Variants in FBN1 observed in about 807,000 individuals in gnomAD.
FBN1 encodes fibrillin-1.
Under a neutral mutation model 365.1 loss-of-function variants are expected in FBN1, and 29 were observed. That is an observed-to-expected ratio of 0.08 (90% CI 0.06 to 0.11). The LOEUF is 0.11. FBN1 is among the 10% of genes least tolerant of loss of function. The probability of loss-of-function intolerance (pLI) is 1.00; values close to 1 mark genes in which losing one functional copy is unlikely to be tolerated. For synonymous variants in FBN1, 1,210 were observed against 1,270.5 expected (o/e 0.95, Z 1.01); for missense variants, 2,476 against 3,703.2 (o/e 0.67, Z 8.60).
chr15:48,611,934 G>T (rs766542366), intron 3 of FBN1, among the ~76,000 whole-genome samples: 1 of 152,186 alleles, frequency 6.6e-6, no homozygotes, highest in Non-Finnish European at 1.5e-5. Context: ...AACATCCAAA[G>T]AGTTTAGGAT....
Position 48,613,086 on chromosome 15 carries a change from A to G in FBN1, c.171T>C (p.Asn57=). The change falls in exon 3 of 66, where the codon AAT becomes AAC. Residue 57 remains asparagine, a synonymous_variant. Transcript: ENST00000316623. ...AAGCATTATAACGTGATCCACAGAC[A>G]TTGGGTCTAAAACAAAAACAGAAGA... The part of the protein sequence containing the change: ...GGGHDALKGP[N]VCGSRYNAYC... 1 of 1,612,390 alleles carries G rather than the reference A, an allele frequency of 6.2e-7. No individual in the cohort carries two copies. The highest frequency in any genetic ancestry group is 8.5e-7 in the Non-Finnish European group (1 of 1,178,730).
intron 34 of FBN1, among the ~76,000 whole-genome samples, chr15:48,473,086 T>C (rs999198120): frequency 6.6e-6 from 1 of 152,238 alleles, no homozygotes; most frequent in African/African-American, 2.4e-5. Flanking sequence ...ATCTGCTTAA[T>C]CTCTACCTAG....
At chr15:48,451,914 G>A (rs1229992400) in intron 45 of FBN1, among the ~76,000 whole-genome samples, 3 of 152,110 alleles carry the variant, frequency 2.0e-5, no homozygotes, top group Non-Finnish European at 4.4e-5. Flanking sequence ...ACATGCCAAC[G>A]TGCTTCCTAT....
chr15:48,580,380 C>A (rs1451159621), intron 6 of FBN1, among the ~76,000 whole-genome samples: 1 of 152,172 alleles, frequency 6.6e-6, no homozygotes, highest in Non-Finnish European at 1.5e-5. Context: ...TCTTTCTCCA[C>A]CTCTCCTTAG....
At chr15:48,627,520 G>A (rs1283989060) in intron 2 of FBN1, among the ~76,000 whole-genome samples, 1 of 152,222 alleles carries the variant, frequency 6.6e-6, no homozygotes, top group African/African-American at 2.4e-5. Context: ...CATGGGTGTG[G>A]CTTGTCTTTT....
intron 2 of FBN1, chr15:48,642,253 C>T (rs986345797): frequency 6.6e-6 from 1 of 152,298 alleles, no homozygotes; most frequent in Admixed American, 6.5e-5. Flanking sequence ...GTGGCACCCA[C>T]CTGTAATCCC....
Position 48,420,747 on chromosome 15 carries a change from C to T in FBN1, c.7759G>A (p.Gly2587Ser), listed in dbSNP as rs2042934369. 1 of 1,614,072 alleles carries T rather than the reference C, an allele frequency of 6.2e-7. No individual in the cohort carries two copies. The highest frequency in any genetic ancestry group is 8.5e-7 in the Non-Finnish European group (1 of 1,179,988). ...CCCTGGGGGCAGCTGCACCTGTAGC[C>T]CCCAATGATGTTCTGGCAGCCATGC... ...CQHGCQNIIG[G>S]YRCSCPQGYL... is the part of the protein sequence containing the mutation. Residue 2587 changes from glycine to serine, a missense_variant, in exon 63 of 66, where the codon GGC becomes AGC. By Grantham distance (56) the Gly-to-Ser change is moderately conservative. This residue lies in a region of FBN1 where 1,780 missense variants were observed against 2,840.8 expected (regional missense o/e 0.63). Transcript: ENST00000316623.
At chr15:48,422,976 A>G (rs1047668292) in intron 60 of FBN1, among the ~76,000 whole-genome samples, 1 of 152,052 alleles carries the variant, frequency 6.6e-6, no homozygotes, top group African/African-American at 2.4e-5. Context: ...AAAAAACAAA[A>G]ATCCAAAACT....
At chr15:48,488,603 C>A in intron 25 of FBN1, 110 bp from the exon 26 acceptor site, 1 of 1,259,226 alleles carries the variant, frequency 7.9e-7, no homozygotes. Flanking sequence ...GATTTAAGGT[C>A]TTGGCAGTAT....
At chr15:48,460,180 C>T (rs2043270175) in intron 43 of FBN1, 66 bp downstream of exon 43, 6 of 1,174,820 alleles carry the variant, frequency 5.1e-6, no homozygotes, top group Non-Finnish European at 7.7e-6. Flanking sequence ...AAAATGGGAA[C>T]TGAAAAAATA....
intron 6 of FBN1, among the ~76,000 whole-genome samples, chr15:48,561,538 A>T (rs550070291): frequency 6.6e-6 from 1 of 152,190 alleles, no homozygotes; most frequent in Non-Finnish European, 1.5e-5. Flanking sequence ...CAAGGTTTTT[A>T]TGAAAACACA....
At chr15:48,489,110 C>T (rs2043533766) in intron 25 of FBN1, among the ~76,000 whole-genome samples, 1 of 151,582 alleles carries the variant, frequency 6.6e-6, no homozygotes, top group South Asian at 2.1e-4. Flanking sequence ...GCTTGGCTCA[C>T]TGCAACCTCT....
intron 6 of FBN1, among the ~76,000 whole-genome samples, chr15:48,547,509 TAAAGC>T (rs1250216225): frequency 6.6e-6 from 1 of 152,102 alleles, no homozygotes; most frequent in African/African-American, 2.4e-5. Context: ...GTGGAAAACT[TAAAGC>T]AGGGACAAAA....
intron 2 of FBN1, among the ~76,000 whole-genome samples, chr15:48,616,174 T>G (rs1889648956): frequency 6.6e-6 from 1 of 152,240 alleles, no homozygotes; most frequent in Non-Finnish European, 1.5e-5. Context: ...TTTATAATTT[T>G]GGGTTGGACT....
At chr15:48,599,548 AAAC>A (rs1324260341) in intron 5 of FBN1, among the ~76,000 whole-genome samples, 7 of 152,092 alleles carry the variant, frequency 4.6e-5, no homozygotes, top group African/African-American at 1.7e-4. Flanking sequence ...CAAAAAAAAA[AAAC>A]AAGGTTTTTA....
At chr15:48,596,463 A>C (rs1361580610) in intron 5 of FBN1, 85 bp from the exon 6 acceptor site, 2 of 1,289,038 alleles carry the variant, frequency 1.6e-6, no homozygotes, top group African/African-American at 1.5e-5. Context: ...GAAGGACAAC[A>C]ATAAAATGTC....
At position 48,487,401 on chromosome 15, in the gene FBN1, C is replaced by T. The variant is rs768831064; in HGVS notation, c.3374G>A (p.Arg1125Gln). 9.9e-6 allele frequency: 16 copies of T among 1,614,114 alleles called. No individual in the cohort carries two copies. The highest frequency in any genetic ancestry group is 4.4e-5 in the South Asian group (4 of 91,068). ...CTCTGTGTTATGGCAAACACCACCT[C>T]GGCATAGGAGAGGATCTCTCTGACA... is the stretch of plus-strand genomic sequence containing the variant. ...DECQRDPLLC[R>Q]GGVCHNTEGS... The change falls in exon 28 of 66, where the codon CGA becomes CAA. Residue 1125 changes from arginine (R) to glutamine (Q), a missense_variant. This residue lies in a region of FBN1 where 1,780 missense variants were observed against 2,840.8 expected (regional missense o/e 0.63). Coordinates refer to ENST00000316623, the MANE Select transcript of FBN1 (RefSeq NM_000138.5).
intron 20 of FBN1, 125 bp downstream of exon 20, chr15:48,495,975 C>T: frequency 1.6e-6 from 2 of 1,275,892 alleles, no homozygotes; most frequent in Non-Finnish European, 2.3e-6. Flanking sequence ...TGTAGAACCA[C>T]AGAATTTCAA....
chr15:48,510,651 A>G (rs914957247), intron 13 of FBN1, among the ~76,000 whole-genome samples: 1 of 152,172 alleles, frequency 6.6e-6, no homozygotes, highest in African/African-American at 2.4e-5. Flanking sequence ...TCTTCCTTAT[A>G]CCAATTCTGG....
Sources: allele counts gnomAD v4.1 joint callset (sites outside exome capture counted in the v4.1 genomes callset), GRCh38; gene constraint gnomAD v4.1.1; regional missense constraint gnomAD v4.1.1; transcripts MANE v1.5; gene names NCBI Gene and HGNC (gene_info 2026-07-23, HGNC 2026-07-21).